The following LRP1B variants were observed in gnomAD, a reference collection of about 807,000 sequenced individuals.
LRP1B encodes the protein low-density lipoprotein receptor-related protein 1B.
A neutral mutation model predicts 556.6 loss-of-function variants in LRP1B; 217 were observed. The observed-to-expected ratio is 0.39, with a 90% confidence interval of 0.35 to 0.44. The LOEUF (loss-of-function observed/expected upper bound fraction) is 0.44, where lower values mean the gene tolerates loss of function less well. Ranked by LOEUF, LRP1B falls within the 20% of genes least tolerant of loss-of-function variation. LRP1B has a pLI of 1.00. For synonymous variants in LRP1B, 2,047 were observed against 1,865.8 expected (o/e 1.10, Z -2.50); for missense variants, 5,053 against 5,620.8 (o/e 0.90, Z 3.23).
At chr2:141,080,635 G>C (rs1699899580) in intron 7 of LRP1B, among the ~76,000 whole-genome samples, 1 of 152,118 alleles carries the variant, frequency 6.6e-6, no homozygotes, top group Non-Finnish European at 1.5e-5. Flanking sequence ...GTACATGTCA[G>C]GCTTGGTAAA....
intron 84 of LRP1B, among the ~76,000 whole-genome samples, chr2:140,288,695 C>T (rs1223932322): frequency 6.6e-6 from 1 of 151,754 alleles, no homozygotes; most frequent in Non-Finnish European, 1.5e-5. Context: ...AGCAGAATCA[C>T]AGTCATGGCT....
chr2:141,733,417 A>G (rs1693353621), intron 2 of LRP1B, among the ~76,000 whole-genome samples: 1 of 152,098 alleles, frequency 6.6e-6, no homozygotes, highest in African/African-American at 2.4e-5. Context: ...GCTCGGGTTT[A>G]GCATCTCTCA....
At chr2:141,741,324 A>G (rs1274873320) in intron 2 of LRP1B, among the ~76,000 whole-genome samples, 1 of 123,020 alleles carries the variant, frequency 8.1e-6, no homozygotes, top group African/African-American at 3.2e-5. Context: ...ATTACTAGAC[A>G]TTACTGGAGA....
chr2:140,324,375 CAAAAG>C (rs1680336332), intron 80 of LRP1B, among the ~76,000 whole-genome samples: 1 of 151,928 alleles, frequency 6.6e-6, no homozygotes, highest in Non-Finnish European at 1.5e-5. Context: ...ATGCAGTTGA[CAAAAG>C]AAAAGCCAAT....
At chr2:140,280,631 T>A (rs1682876393) in intron 84 of LRP1B, among the ~76,000 whole-genome samples, 1 of 151,746 alleles carries the variant, frequency 6.6e-6, no homozygotes, top group Non-Finnish European at 1.5e-5. Context: ...AAGTCAATCA[T>A]AAGGTTAAAG....
intron 4 of LRP1B, among the ~76,000 whole-genome samples, chr2:141,251,117 T>C (rs1684245640): frequency 6.6e-6 from 1 of 151,988 alleles, no homozygotes; most frequent in African/African-American, 2.4e-5. Flanking sequence ...GTGGAGAAAA[T>C]CCATATATAA....
rs551936240 is a variant in LRP1B at position 140,438,196 on chromosome 2, G to A, written c.10414+4308C>T. Among the ~76,000 whole-genome samples, 13 of 152,148 alleles carry A rather than the reference G, an allele frequency of 8.5e-5. No homozygotes were observed. The South Asian group carries it at 2.7e-3, about 32-fold the overall frequency. On this transcript the variant is annotated intron_variant, in intron 66 of 90. Coordinates refer to ENST00000389484, the MANE Select transcript of LRP1B (RefSeq NM_018557.3). ...TAAATATAATTTTTTGTAGAGATGG[G>A]ATCTCACTATGATGCCCAGGCTGGT...
intron 27 of LRP1B, among the ~76,000 whole-genome samples, chr2:140,865,129 C>T (rs1692909954): frequency 6.6e-6 from 1 of 151,914 alleles, no homozygotes; most frequent in African/African-American, 2.4e-5. Context: ...ATAACAACAA[C>T]ATTAAAAACC....
Position 141,141,551 on chromosome 2 carries a change from C to A in LRP1B, c.1013+46870G>T, listed in dbSNP as rs138281205. ...AGATAGGTAAATTTTTAAATCTTTC[C>A]TTTTGCCAAAGTTTTATCATCAACG... On this transcript the variant is annotated intron_variant, in intron 7 of 90. Transcript: ENST00000389484. Among the ~76,000 whole-genome samples the A allele has an allele frequency of 1.3e-3, 197 of 152,204 alleles. 9 individuals are homozygous for A. The East Asian group carries it at 0.035, about 27-fold the overall frequency.
At chr2:141,581,673 C>A (rs527512264) in intron 2 of LRP1B, among the ~76,000 whole-genome samples, 10 of 152,226 alleles carry the variant, frequency 6.6e-5, no homozygotes, top group African/African-American at 2.2e-4. Flanking sequence ...TGCTTCAACC[C>A]TTCAAGGAGT....
chr2:141,329,986 AACTG>A (rs987034498), intron 3 of LRP1B, among the ~76,000 whole-genome samples: 7 of 133,376 alleles, frequency 5.2e-5, no homozygotes, highest in African/African-American at 8.7e-5. Flanking sequence ...TTTTTCTACA[AACTG>A]ACTATTATAG....
rs148187862 is a variant in LRP1B, at chr2:140,274,518, G to T, written c.13048C>A (p.Arg4350Ser). The change falls in exon 85 of 91, where the codon CGC (arginine) becomes AGC (serine). Residue 4350 changes from arginine (R) to serine (S), a missense_variant. Coordinates refer to ENST00000389484, the MANE Select transcript of LRP1B (RefSeq NM_018557.3). The part of the protein sequence containing the change: ...DGSVECVCPT[R>S]YEGPKCEVDK... ...ACCTCACATTTTGGTCCTTCATAGCGCGTTGGACAGACACATTCAACACTT... is the reference window on the plus strand; with the variant it reads ...ACCTCACATTTTGGTCCTTCATAGCTCGTTGGACAGACACATTCAACACTT... 1 of 1,612,308 alleles carries T rather than the reference G, an allele frequency of 6.2e-7. No individual in the cohort carries two copies. The highest frequency in any genetic ancestry group is 8.5e-7 in the Non-Finnish European group (1 of 1,178,868).
At chr2:140,916,358 TACA>T (rs1270341955) in intron 21 of LRP1B, among the ~76,000 whole-genome samples, 1 of 152,154 alleles carries the variant, frequency 6.6e-6, no homozygotes, top group East Asian at 1.9e-4. Context: ...TATTCACTGA[TACA>T]ACAATAGGGG....
At position 140,471,228 on chromosome 2, in the gene LRP1B, C is replaced by A. The variant is rs185196346; in HGVS notation, c.9625+3910G>T. On this transcript the variant is annotated intron_variant, in intron 60 of 90. Transcript: ENST00000389484. ...AGGAGGAAAGAGTGTCACTTATTTG[C>A]GAACTTTATTCTAGTTAAATTATCA... Among the ~76,000 whole-genome samples, 3 of 151,884 alleles carry A rather than the reference C, an allele frequency of 2.0e-5. No homozygotes were observed. The East Asian group carries it at 5.8e-4, about 30-fold the overall frequency.
chr2:140,285,195 A>G (rs964188209), intron 84 of LRP1B, among the ~76,000 whole-genome samples: 2 of 150,818 alleles, frequency 1.3e-5, no homozygotes, highest in African/African-American at 4.9e-5. Context: ...ATCTATATCT[A>G]TATATGGATA....
intron 86 of LRP1B, among the ~76,000 whole-genome samples, chr2:140,267,676 G>A (rs542998887): frequency 3.9e-5 from 6 of 151,924 alleles, no homozygotes; most frequent in South Asian, 2.1e-4. Context: ...TTGAACCCAC[G>A]AATGTGGAGT....
intron 27 of LRP1B, among the ~76,000 whole-genome samples, chr2:140,856,338 A>G (rs1692616476): frequency 6.6e-6 from 1 of 152,278 alleles, no homozygotes; most frequent in East Asian, 1.9e-4. Context: ...GCTAATGCTG[A>G]TTTCTTTCAT....
chr2:141,110,369 T>C (rs942358604), intron 7 of LRP1B, among the ~76,000 whole-genome samples: 11 of 152,168 alleles, frequency 7.2e-5, no homozygotes, highest in African/African-American at 2.7e-4. Context: ...GGAAAACTTT[T>C]CCTCTTCCTA....
At chr2:141,152,132 A>C (rs774652761) in intron 7 of LRP1B, among the ~76,000 whole-genome samples, 1 of 151,804 alleles carries the variant, frequency 6.6e-6, no homozygotes. Context: ...TTTTTTTAAG[A>C]AGCAGCACAG....
Sources: gnomAD v4.1 joint callset for allele counts (sites outside exome capture counted in the v4.1 genomes callset) on GRCh38, gnomAD v4.1.1 for gene constraint, MANE v1.5 for transcripts, NCBI Gene and HGNC (gene_info 2026-07-23, HGNC 2026-07-21) for gene names.